ARHGEF18: variants seen among roughly 807,000 people sequenced by gnomAD.
ARHGEF18 encodes Rho/Rac guanine nucleotide exchange factor 18.
Under a neutral mutation model 155.7 loss-of-function variants are expected in ARHGEF18, and 93 were observed. The ratio of observed to expected loss-of-function variants is 0.60; its 90% CI spans 0.50 to 0.71. ARHGEF18 has a LOEUF of 0.71. Ranked by LOEUF, ARHGEF18 falls within the 30% of genes least tolerant of loss-of-function variation. The pLI, the probability that ARHGEF18 is intolerant of heterozygous loss-of-function variation, is 0.00. For missense variants in ARHGEF18, 1,593 were observed against 1,816.1 expected (o/e 0.88, Z 2.23); for synonymous variants, 742 against 753.1 (o/e 0.99, Z 0.24).
At chr19:7,355,959 A>C (rs1031275083) in intron 1 of ARHGEF18, among the ~76,000 whole-genome samples, 4 of 152,126 alleles carry the variant, frequency 2.6e-5, no homozygotes, top group Non-Finnish European at 2.9e-5. Context: ...TGCAGAAAGA[A>C]AGTCCGCCCT....
intron 27 of ARHGEF18, 45 bp downstream of exon 27, chr19:7,469,176 G>C (rs1408852658): frequency 6.6e-7 from 1 of 1,525,560 alleles, no homozygotes; most frequent in Admixed American, 2.0e-5. Context: ...AGGTGCAACT[G>C]GTCAGGCTCT....
intron 11 of ARHGEF18, 21 bp from the exon 12 acceptor site, chr19:7,441,632 G>A (rs779480728): frequency 6.3e-7 from 1 of 1,594,278 alleles, no homozygotes; most frequent in Non-Finnish European, 8.6e-7. Flanking sequence ...TAAAACAATT[G>A]TTTTTATTGT....
rs1272322271 is a variant in ARHGEF18 at position 7,395,453 on chromosome 19, G to A, written c.967+12250G>A. ...TGGAGGCTCTAGGCGGCGATTGCAG[G>A]GTGCAGAGGTGCAGACGATGCCCGC... On this transcript the variant is annotated intron_variant, in intron 10 of 28. Transcript: ENST00000668164. This position sits in a 1 kb window ranked among gnomAD's most constrained non-coding sequence, Gnocchi z 5.0. 3.3e-5 allele frequency among the ~76,000 whole-genome samples: 5 copies of A among 152,242 alleles called. No individual in the cohort carries two copies. Among genetic ancestry groups the A allele is most frequent in the Admixed American group, 2.6e-4 (4 of 15,292 alleles).
At chr19:7,433,507 CAAAAAAAAAAAAAA>C (rs35825715) in intron 10 of ARHGEF18, among the ~76,000 whole-genome samples, 15 of 58,286 alleles carry the variant, frequency 2.6e-4, no homozygotes, top group Non-Finnish European at 1.2e-4. Flanking sequence ...ACTCCGTCTC[CAAAAAAAAAAAAAA>C]AAAAAAAAAA....
chr19:7,462,446 C>T lies in ARHGEF18; in HGVS notation c.2635+112C>T, dbSNP rs1976333163. The T allele has an allele frequency of 1.6e-6, 2 of 1,246,614 alleles. No individual in the cohort carries two copies. The highest frequency in any genetic ancestry group is 2.1e-6 in the Non-Finnish European group (2 of 963,714). 77.2% of individuals were successfully genotyped at this position (1,246,614 alleles called of 1,614,324 possible). ...GGCCGACACGGCACCCTGTCCAGGA[C>T]AGGCTTCTATGTGGGGGGGGCCCAG... is the stretch of plus-strand genomic sequence containing the variant. On this transcript the variant is annotated intron_variant, in intron 21 of 28. Transcript: ENST00000668164. This position sits in a 1 kb window ranked among gnomAD's most constrained non-coding sequence, Gnocchi z 4.4.
At chr19:7,405,348 CTG>C (rs1568303853) in intron 10 of ARHGEF18, among the ~76,000 whole-genome samples, 2 of 152,224 alleles carry the variant, frequency 1.3e-5, no homozygotes, top group African/African-American at 2.4e-5. Flanking sequence ...TGGCCTTCAC[CTG>C]TGTGTGTGTT....
chr19:7,362,176 GAGAAGAAGGAGAAGAAGGAGA>G (rs1425062906), intron 1 of ARHGEF18, among the ~76,000 whole-genome samples: 2,303 of 116,940 alleles, frequency 0.02, 392 homozygotes, highest in African/African-American at 0.1. Context: ...GGAGAAGAAG[GAGAAGAAGGAGAAGAAGGAGA>G]AGAAGAAGGA....
At chr19:7,451,377 C>A in intron 16 of ARHGEF18, 111 bp downstream of exon 16, 1 of 874,884 alleles carries the variant, frequency 1.1e-6, no homozygotes, top group Non-Finnish European at 1.7e-6. Flanking sequence ...CTTTGAAATC[C>A]AGTTTGCTGG....
downstream of ARHGEF18, among the ~76,000 whole-genome samples, chr19:7,472,645 G>A (rs1568374380): frequency 6.6e-6 from 1 of 152,294 alleles, no homozygotes; most frequent in East Asian, 1.9e-4. Context: ...ACCCCTTCAG[G>A]TCCAGTCCCC....
At chr19:7,432,329 A>G (rs954293722) in intron 10 of ARHGEF18, among the ~76,000 whole-genome samples, 4 of 152,206 alleles carry the variant, frequency 2.6e-5, no homozygotes, top group African/African-American at 9.6e-5. Flanking sequence ...TTGCACTCTC[A>G]GCCTAAAAGA....
Position 7,463,799 on chromosome 19 carries a change from T to C in ARHGEF18, c.2636-19T>C. 6.3e-7 allele frequency: 1 copy of C among 1,597,604 alleles called. No homozygotes were observed. Among genetic ancestry groups the C allele is most frequent in the Non-Finnish European group, 8.5e-7 (1 of 1,172,446 alleles). On this transcript the variant is annotated intron_variant, in intron 21 of 28. Coordinates refer to ENST00000668164, the MANE Select transcript of ARHGEF18 (RefSeq NM_001367823.1). This position sits in a 1 kb window ranked among gnomAD's most constrained non-coding sequence, Gnocchi z 5.2. ...CTTCCGCAGGGCGACCCGTGCCTCCTGTCCCCTTCCTTCCACAGTCGAGGG... is the reference window on the plus strand; with the variant it reads ...CTTCCGCAGGGCGACCCGTGCCTCCCGTCCCCTTCCTTCCACAGTCGAGGG...
intron 2 of ARHGEF18, among the ~76,000 whole-genome samples, chr19:7,370,760 C>T (rs1336873903): frequency 1.3e-5 from 2 of 152,172 alleles, no homozygotes; most frequent in Non-Finnish European, 2.9e-5. Context: ...GAAGGAAATT[C>T]TGACACATGC....
rs1476034750 is a variant in ARHGEF18 at position 7,440,266 on chromosome 19, A to G, written c.968-78A>G. Reference sequence around the variant, plus strand: ...CTGTCTGTGCTGCGGCCGCAGTCGGAGCGGGGCTTCCGCGCCGGGGACCTC... The same window carrying G: ...CTGTCTGTGCTGCGGCCGCAGTCGGGGCGGGGCTTCCGCGCCGGGGACCTC... On this transcript the variant is annotated intron_variant, in intron 10 of 28. Transcript: ENST00000668164. This position sits in a 1 kb window ranked among gnomAD's most constrained non-coding sequence, Gnocchi z 5.4. The G allele has an allele frequency of 6.4e-7, 1 of 1,558,732 alleles. No homozygotes were observed. The highest frequency in any genetic ancestry group is 1.2e-5 in the South Asian group (1 of 85,102).
At chr19:7,451,623 C>G (rs911888511) in intron 16 of ARHGEF18, among the ~76,000 whole-genome samples, 1 of 151,914 alleles carries the variant, frequency 6.6e-6, no homozygotes, top group Non-Finnish European at 1.5e-5. Context: ...CTGTGTTACC[C>G]AGGCTGGTGT....
intron 10 of ARHGEF18, among the ~76,000 whole-genome samples, chr19:7,391,946 G>C (rs536041221): frequency 2.6e-4 from 40 of 152,124 alleles, no homozygotes; most frequent in Non-Finnish European, 5.3e-4. Context: ...CCATGCTAAA[G>C]ACTCATAAAT....
intron 10 of ARHGEF18, among the ~76,000 whole-genome samples, chr19:7,397,145 AAAG>A (rs1971758723): frequency 6.6e-6 from 1 of 151,994 alleles, no homozygotes; most frequent in African/African-American, 2.4e-5. Context: ...CTAGAGCAAA[AAAG>A]AGCAAACAGC....
At chr19:7,421,019 C>A (rs577636488) in intron 10 of ARHGEF18, among the ~76,000 whole-genome samples, 14 of 152,180 alleles carry the variant, frequency 9.2e-5, no homozygotes, top group African/African-American at 2.2e-4. Context: ...CCGCCTCCAC[C>A]TTCCGGGCTC....
At chr19:7,439,010 T>C (rs1293695838) in intron 10 of ARHGEF18, among the ~76,000 whole-genome samples, 1 of 152,140 alleles carries the variant, frequency 6.6e-6, no homozygotes, top group Non-Finnish European at 1.5e-5. Flanking sequence ...TAGCTGAGAT[T>C]ACAGGCATCC....
intron 2 of ARHGEF18, 86 bp from the exon 3 acceptor site, chr19:7,372,726 G>A: frequency 8.3e-7 from 1 of 1,201,928 alleles, no homozygotes; most frequent in Non-Finnish European, 1.0e-6. Context: ...GATGTTGGGA[G>A]CAGGGACCTT....
Sources: allele counts gnomAD v4.1 joint callset (sites outside exome capture counted in the v4.1 genomes callset), GRCh38; gene constraint gnomAD v4.1.1; non-coding constraint Gnocchi (gnomAD v3.1); transcripts MANE v1.5; gene names NCBI Gene and HGNC (gene_info 2026-07-23, HGNC 2026-07-21).